The following KIF26B variants were observed in gnomAD, a reference collection of about 807,000 sequenced individuals.
KIF26B encodes kinesin family member 26B, also known as kinesin-like protein KIF26B.
Under a neutral mutation model 151.2 loss-of-function variants are expected in KIF26B, and 63 were observed. The observed-to-expected ratio is 0.42, with a 90% CI of 0.34 to 0.51. The LOEUF is 0.51. KIF26B is among the 20% of genes least tolerant of loss of function. The pLI, the probability that KIF26B is intolerant of heterozygous loss-of-function variation, is 0.07. For missense variants in KIF26B, 2,813 were observed against 2,913.6 expected (o/e 0.97, Z 0.79); for synonymous variants, 1,357 against 1,262.1 (o/e 1.08, Z -1.59).
rs61829597 is a variant in KIF26B, at chr1:245,325,412, C to A, written c.466-41422C>A. On this transcript the variant is annotated intron_variant, in intron 2 of 14. Coordinates refer to ENST00000407071, the MANE Select transcript of KIF26B (RefSeq NM_018012.4). ...CTTGTCCTCAGAGAATTCATAAAGA[C>A]AGGCTTAAGAATCCATTTCAGCTGG... is the stretch of plus-strand genomic sequence containing the variant. Among the ~76,000 whole-genome samples the A allele has an allele frequency of 4.4e-3, 676 of 152,290 alleles. 6 individuals carry two copies. Among genetic ancestry groups the A allele is most frequent in the Non-Finnish European group, 6.3e-3 (429 of 68,036 alleles).
At position 245,611,891 on chromosome 1, in the gene KIF26B, T is replaced by G; in HGVS notation, c.2013T>G (p.Cys671Trp). 1.9e-6 allele frequency: 3 copies of G among 1,613,068 alleles called. No homozygotes were observed. The highest frequency in any genetic ancestry group is 2.5e-6 in the Non-Finnish European group (3 of 1,179,668). ...IASRRSHQQD[C>W]DEDDHRNSHV... ...CCCGCAGGAGCCACCAACAGGACTGTGATGAGGACGACCACCGCAACTCAC... is the reference window on the plus strand; with the variant it reads ...CCCGCAGGAGCCACCAACAGGACTGGGATGAGGACGACCACCGCAACTCAC... Residue 671 changes from cysteine to tryptophan, a missense_variant, in exon 9 of 15, where the codon TGT (cysteine) becomes TGG (tryptophan). By Grantham distance (215) the Cys-to-Trp change is radical (BLOSUM62 -2). Transcript: ENST00000407071.
chr1:245,168,898 T>C (rs1160746665), intron 2 of KIF26B, among the ~76,000 whole-genome samples: 1 of 152,208 alleles, frequency 6.6e-6, no homozygotes, highest in Non-Finnish European at 1.5e-5. Flanking sequence ...ATTTTTCTCT[T>C]TAATCATTTA....
At chr1:245,277,549 C>T (rs1260570922) in intron 2 of KIF26B, among the ~76,000 whole-genome samples, 2 of 152,052 alleles carry the variant, frequency 1.3e-5, no homozygotes, top group East Asian at 1.9e-4. Context: ...GCTCCAGACC[C>T]CTGGCCTCAT....
At chr1:245,221,937 C>T (rs59932910) in intron 2 of KIF26B, among the ~76,000 whole-genome samples, 8,503 of 152,218 alleles carry the variant, frequency 0.056, 477 homozygotes, top group African/African-American at 0.15. Flanking sequence ...AATTTATATC[C>T]GTGGAATCAA....
chr1:245,679,457 G>GTTTTTTTTT (rs35663208), intron 10 of KIF26B, among the ~76,000 whole-genome samples: 5 of 59,176 alleles, frequency 8.4e-5, no homozygotes, highest in African/African-American at 1.8e-4. Flanking sequence ...TTTTGTGTGT[G>GTTTTTTTTT]TTTTTTTTTT....
rs774709581 is a variant in KIF26B at position 245,688,184 on chromosome 1, C to T, written c.5201C>T (p.Ala1734Val). ...SPKAGQSKISAVSRLLLASPR... is the reference protein window; with the variant it reads ...SPKAGQSKISVVSRLLLASPR... ...AAGGCCGGCCAGTCCAAGATCTCCGCCGTGAGCAGACTCCTCCTGGCCAGC... is the reference window on the plus strand; with the variant it reads ...AAGGCCGGCCAGTCCAAGATCTCCGTCGTGAGCAGACTCCTCCTGGCCAGC... The change falls in exon 12 of 15, where the codon GCC (alanine) becomes GTC (valine). Residue 1734 changes from alanine (A) to valine (V), a missense_variant. This residue lies in a region of KIF26B where 2,060 missense variants were observed against 2,088.6 expected (regional missense o/e 0.99). Coordinates refer to ENST00000407071, the MANE Select transcript of KIF26B (RefSeq NM_018012.4). 3 of 1,597,838 alleles carry T rather than the reference C, an allele frequency of 1.9e-6. No individual in the cohort carries two copies. In the East Asian group the frequency reaches 6.7e-5, roughly 36 times the overall value.
intron 2 of KIF26B, among the ~76,000 whole-genome samples, chr1:245,360,450 C>A (rs913576589): frequency 1.3e-5 from 2 of 152,202 alleles, no homozygotes; most frequent in African/African-American, 4.8e-5. Flanking sequence ...ACCACTTATT[C>A]AGCATTTACC....
At chr1:245,682,842 G>C (rs912699165) in intron 10 of KIF26B, among the ~76,000 whole-genome samples, 2 of 152,240 alleles carry the variant, frequency 1.3e-5, no homozygotes, top group African/African-American at 4.8e-5. Flanking sequence ...CTTCCTCGTC[G>C]AGTGCGGCTG....
At chr1:245,435,089 ATCCATCTC>A (rs1558164593) in intron 4 of KIF26B, among the ~76,000 whole-genome samples, 1 of 90,510 alleles carries the variant, frequency 1.1e-5, no homozygotes, top group Non-Finnish European at 2.4e-5. Flanking sequence ...CCATCCATCC[ATCCATCTC>A]TCCATCCATC....
chr1:245,701,995 G>A (rs1307422644), intron 14 of KIF26B, among the ~76,000 whole-genome samples: 2 of 152,230 alleles, frequency 1.3e-5, no homozygotes, highest in East Asian at 3.8e-4. Context: ...TGAACATCAG[G>A]AAAGGCATCT....
chr1:245,311,778 C>G (rs1671670148), intron 2 of KIF26B, among the ~76,000 whole-genome samples: 1 of 151,848 alleles, frequency 6.6e-6, no homozygotes, highest in South Asian at 2.1e-4. Context: ...ACCAAAAGTA[C>G]AAAAATTAGC....
Position 245,156,277 on chromosome 1 carries a change from C to G in KIF26B, c.64-5C>G, listed in dbSNP as rs1447777255. 1.3e-6 allele frequency: 2 copies of G among 1,545,678 alleles called. No individual in the cohort carries two copies. The highest frequency in any genetic ancestry group is 2.0e-5 in the Admixed American group (1 of 50,720). ...GCCCCTGACACCGGCGTGTCTTCCCCGCAGGTGAATGAAGTCTGCTCGCCC... is the reference window on the plus strand; with the variant it reads ...GCCCCTGACACCGGCGTGTCTTCCCGGCAGGTGAATGAAGTCTGCTCGCCC... On this transcript the variant is annotated splice_region_variant and splice_polypyrimidine_tract_variant and intron_variant, in intron 1 of 14. Transcript: ENST00000407071.
chr1:245,403,714 A>C (rs149927044), intron 3 of KIF26B, among the ~76,000 whole-genome samples: 39 of 152,340 alleles, frequency 2.6e-4, no homozygotes, highest in Non-Finnish European at 5.4e-4. Flanking sequence ...AAATGTGTGC[A>C]TGTTTCACTC....
rs1660486694 is a variant in KIF26B at position 245,495,081 on chromosome 1, T to C, written c.1167-45686T>C. On this transcript the variant is annotated intron_variant, in intron 4 of 14. Coordinates refer to ENST00000407071, the MANE Select transcript of KIF26B (RefSeq NM_018012.4). This position sits in a 1 kb window ranked among gnomAD's most constrained non-coding sequence, Gnocchi z 4.2. ...AGAAAAGAAAAGAAAGAGGAAATTC[T>C]GGAACTTAAAAAATGAAATAATGGA... 6.6e-6 allele frequency among the ~76,000 whole-genome samples: 1 copy of C among 151,942 alleles called. No individual in the cohort carries two copies. Among genetic ancestry groups the C allele is most frequent in the South Asian group, 2.1e-4 (1 of 4,794 alleles).
At chr1:245,216,803 G>GT (rs1669655504) in intron 2 of KIF26B, among the ~76,000 whole-genome samples, 1 of 152,230 alleles carries the variant, frequency 6.6e-6, no homozygotes, top group Admixed American at 6.5e-5. Flanking sequence ...TGTTGAAAGA[G>GT]TTAGCTAGGT....
chr1:245,506,547 T>C (rs1431327988), intron 4 of KIF26B, among the ~76,000 whole-genome samples: 1 of 152,244 alleles, frequency 6.6e-6, no homozygotes, highest in Non-Finnish European at 1.5e-5. Flanking sequence ...ACCATTTTGT[T>C]ATTCTGCTTG....
chr1:245,186,141 G>A (rs1044536945), intron 2 of KIF26B, among the ~76,000 whole-genome samples: 2 of 152,060 alleles, frequency 1.3e-5, no homozygotes, highest in African/African-American at 4.8e-5. Context: ...CCAAAGTGCT[G>A]GGATTACAGG....
In KIF26B at chr1:245,407,976, G is replaced by A. The variant is rs111563191; in HGVS notation, c.1000-11603G>A. Among the ~76,000 whole-genome samples the A allele has an allele frequency of 1.4e-3, 215 of 152,248 alleles. 1 individual carries two copies. The highest frequency in any genetic ancestry group is 4.8e-3 in the African/African-American group (201 of 41,536). On this transcript the variant is annotated intron_variant, in intron 3 of 14. Coordinates refer to ENST00000407071, the MANE Select transcript of KIF26B (RefSeq NM_018012.4). ...GATCATTCAGTGCGGGGAACAAGTG[G>A]TCAAGACATGCTTCCTGGGGCACTG...
chr1:245,356,661 C>T (rs1422768825), intron 2 of KIF26B, among the ~76,000 whole-genome samples: 4 of 152,224 alleles, frequency 2.6e-5, no homozygotes, highest in Non-Finnish European at 5.9e-5. Context: ...TGATTCGACA[C>T]ATGGCTTCTG....
Sources: allele counts gnomAD v4.1 joint callset (sites outside exome capture counted in the v4.1 genomes callset), GRCh38; gene constraint gnomAD v4.1.1; regional missense constraint gnomAD v4.1.1; non-coding constraint Gnocchi (gnomAD v3.1); transcripts MANE v1.5; gene names NCBI Gene and HGNC (gene_info 2026-07-23, HGNC 2026-07-21).